The following STK3 variants were observed in gnomAD, a reference collection of about 807,000 sequenced individuals.
The protein encoded by STK3 is serine/threonine kinase 3.
In STK3, 41 loss-of-function variants were observed where a neutral mutation model predicts 58.0. The observed-to-expected ratio is 0.71, with a 90% confidence interval of 0.55 to 0.92. The LOEUF (loss-of-function observed/expected upper bound fraction) is 0.92, where lower values mean the gene tolerates loss of function less well. Ranked by LOEUF, STK3 falls within the 40% of genes least tolerant of loss-of-function variation. The probability of loss-of-function intolerance (pLI) is 0.00; values close to 1 mark genes in which losing one functional copy is unlikely to be tolerated. For synonymous variants in STK3, 170 were observed against 191.0 expected, an observed-to-expected ratio of 0.89 and a Z score of 0.91; for missense variants, 479 against 602.7, an observed-to-expected ratio of 0.79 and a Z score of 2.15.
At position 98,631,713 on chromosome 8, in the gene STK3, A is replaced by G. The variant is rs578060976; in HGVS notation, c.685-35544T>C. On this transcript the variant is annotated intron_variant, in intron 6 of 10. Transcript: ENST00000419617. The stretch of plus-strand genomic sequence containing the variant: ...AGTGTCTCACTCTGTCTCCCAGGCT[A>G]GAGGGCAGTGGCACGACCTCGGCTC... 1.3e-5 allele frequency among the ~76,000 whole-genome samples: 2 copies of G among 152,154 alleles called. 1 individual carries two copies. Among genetic ancestry groups the G allele is most frequent in the South Asian group, 4.2e-4 (2 of 4,816 alleles).
chr8:98,898,937 C>T (rs1465665886), intron 1 of STK3, among the ~76,000 whole-genome samples: 1 of 152,284 alleles, frequency 6.6e-6, no homozygotes, highest in Admixed American at 6.5e-5. Context: ...TGGACCAATC[C>T]CCAGTCCCCT....
chr8:98,654,503 G>T (rs1464477435), intron 6 of STK3, among the ~76,000 whole-genome samples: 3 of 152,148 alleles, frequency 2.0e-5, no homozygotes, highest in Non-Finnish European at 2.9e-5. Flanking sequence ...GCAGGAGAAG[G>T]AAATCAAGGG....
At chr8:98,526,638 G>A in intron 10 of STK3, 104 bp downstream of exon 10, 3 of 928,496 alleles carry the variant, frequency 3.2e-6, no homozygotes, top group South Asian at 4.2e-5. Context: ...GTCTATAATT[G>A]TATATACATA....
intron 3 of STK3, among the ~76,000 whole-genome samples, chr8:98,763,058 A>G (rs1339466009): frequency 6.6e-6 from 1 of 152,214 alleles, no homozygotes; most frequent in Non-Finnish European, 1.5e-5. Context: ...AAAAATTTCA[A>G]AAGAGTCCCA....
rs752866947 is a variant in STK3, at chr8:98,526,923, G to A, written c.1142-6C>T. The A allele has an allele frequency of 1.3e-6, 2 of 1,527,754 alleles. No homozygotes were observed. The highest frequency in any genetic ancestry group is 1.8e-6 in the Non-Finnish European group (2 of 1,131,514). 94.6% of individuals were successfully genotyped at this position (1,527,754 alleles called of 1,614,324 possible). On this transcript the variant is annotated splice_region_variant and splice_polypyrimidine_tract_variant and intron_variant, in intron 9 of 10. Coordinates refer to ENST00000419617, the MANE Select transcript of STK3 (RefSeq NM_006281.4). ...TTGTGGTGAGGTTGCATTTCCTTAG[G>A]TAAACAAAGAACATAAGGAAGGTAT... is the stretch of plus-strand genomic sequence containing the variant.
At chr8:98,574,517 C>T (rs1291015671) in intron 8 of STK3, among the ~76,000 whole-genome samples, 1 of 152,188 alleles carries the variant, frequency 6.6e-6, no homozygotes. Flanking sequence ...TGTCCCTGCA[C>T]AATCTCATCA....
chr8:98,620,602 T>C (rs1330400879), intron 6 of STK3, among the ~76,000 whole-genome samples: 4 of 149,682 alleles, frequency 2.7e-5, no homozygotes, highest in Admixed American at 6.6e-5. Flanking sequence ...CTGTTAAAAT[T>C]TGTAGGACAC....
the STK3 span, among the ~76,000 whole-genome samples, chr8:98,355,919 G>T: frequency 6.6e-6 from 1 of 152,246 alleles, no homozygotes; most frequent in African/African-American, 2.4e-5. Flanking sequence ...CTTCTAAGAT[G>T]GTTCTTTCCT....
chr8:98,562,737 G>GAAAAAAAAAAAAAAAAAAA (rs778049177), intron 8 of STK3, among the ~76,000 whole-genome samples: 1 of 17,406 alleles, frequency 5.7e-5, no homozygotes, highest in African/African-American at 2.9e-4. Context: ...CACAAAAAAT[G>GAAAAAAAAAAAAAAAAAAA]AAAAAAAAAA....
intron 10 of STK3, among the ~76,000 whole-genome samples, chr8:98,459,493 G>A (rs979590348): frequency 6.6e-6 from 1 of 152,250 alleles, no homozygotes; most frequent in African/African-American, 2.4e-5. Context: ...TTTTCTGGGG[G>A]AGAAATTCGA....
chr8:98,797,200 C>A (rs895153020), intron 1 of STK3, among the ~76,000 whole-genome samples: 1 of 152,256 alleles, frequency 6.6e-6, no homozygotes, highest in African/African-American at 2.4e-5. Context: ...CTTATTGCAG[C>A]TTCTATATCA....
At chr8:98,531,937 TG>T (rs1312317972) in intron 9 of STK3, among the ~76,000 whole-genome samples, 4 of 152,236 alleles carry the variant, frequency 2.6e-5, no homozygotes, top group African/African-American at 9.6e-5. Flanking sequence ...AGCCTTGCTC[TG>T]GGTTAGACTT....
chr8:98,632,038 G>A (rs978865636), intron 6 of STK3, among the ~76,000 whole-genome samples: 2 of 152,156 alleles, frequency 1.3e-5, no homozygotes, highest in African/African-American at 2.4e-5. Flanking sequence ...TTCATTCACT[G>A]TTATGTATGA....
intron 3 of STK3, among the ~76,000 whole-genome samples, chr8:98,420,104 T>C (rs758213516): frequency 1.3e-5 from 2 of 152,352 alleles, no homozygotes; most frequent in African/African-American, 4.8e-5. Flanking sequence ...CTCATTTACC[T>C]GAAGTCTGAA....
intron 1 of STK3, among the ~76,000 whole-genome samples, chr8:98,818,988 T>C (rs1400220811): frequency 6.6e-6 from 1 of 152,064 alleles, no homozygotes; most frequent in Non-Finnish European, 1.5e-5. Flanking sequence ...GCCCGGCTAA[T>C]TTTTTGTATT....
At chr8:98,512,955 G>A (rs761056324) in intron 10 of STK3, among the ~76,000 whole-genome samples, 15 of 152,152 alleles carry the variant, frequency 9.9e-5, no homozygotes, top group South Asian at 2.1e-4. Context: ...AGTGCCTACC[G>A]CTTGGCATGC....
At chr8:98,740,000 G>A (rs1829041547) in intron 4 of STK3, among the ~76,000 whole-genome samples, 1 of 152,108 alleles carries the variant, frequency 6.6e-6, no homozygotes, top group Admixed American at 6.5e-5. Context: ...TATCAGTGAT[G>A]GAAGACGAAA....
intron 10 of STK3, among the ~76,000 whole-genome samples, chr8:98,487,530 C>T (rs1320034049): frequency 6.6e-6 from 1 of 152,208 alleles, no homozygotes; most frequent in African/African-American, 2.4e-5. Flanking sequence ...CTTACCCTGT[C>T]ACCTCCAAAA....
At chr8:98,522,933 C>T (rs939384528) in intron 10 of STK3, among the ~76,000 whole-genome samples, 8 of 152,094 alleles carry the variant, frequency 5.3e-5, no homozygotes, top group Non-Finnish European at 1.0e-4. Context: ...TTTTTTTAAT[C>T]CATTCATCCA....
Sources: allele counts gnomAD v4.1 joint callset (sites outside exome capture counted in the v4.1 genomes callset), GRCh38; gene constraint gnomAD v4.1.1; transcripts MANE v1.5; gene names NCBI Gene and HGNC (gene_info 2026-07-23, HGNC 2026-07-21).